Variants in SPPL3 observed in about 807,000 individuals in gnomAD.
SPPL3 encodes the protein signal peptide peptidase like 3, also known as signal peptide peptidase-like 3.
SPPL3 carries 5 observed loss-of-function variants against 42.4 expected under a neutral mutation model. The observed-to-expected ratio is 0.12, with a 90% CI of 0.06 to 0.25. SPPL3 has a LOEUF of 0.25. Ranked by LOEUF, SPPL3 falls within the 10% of genes least tolerant of loss-of-function variation. The pLI is 1.00. For missense variants in SPPL3, 235 were observed against 489.0 expected (o/e 0.48, Z 4.90); for synonymous variants, 195 against 181.8 (o/e 1.07, Z -0.58).
chr12:120,779,688 T>G (rs1390720127), intron 6 of SPPL3, among the ~76,000 whole-genome samples: 1 of 151,754 alleles, frequency 6.6e-6, no homozygotes, highest in Non-Finnish European at 1.5e-5. Flanking sequence ...ATAAAGGAAG[T>G]GAAGGCCAGC....
In SPPL3 at chr12:120,839,388, T is replaced by C. The variant is rs191843561; in HGVS notation, c.24-28502A>G. Among the ~76,000 whole-genome samples the C allele has an allele frequency of 6.8e-3, 989 of 145,226 alleles. 10 individuals carry two copies. The highest frequency in any genetic ancestry group is 0.024 in the African/African-American group (941 of 39,586). ...TGGGGGGAGGGGGGAGGGATAGCAT[T>C]AGGAGATATACCTAATGCTAAATGA... is the stretch of plus-strand genomic sequence containing the variant. On this transcript the variant is annotated intron_variant, in intron 1 of 10. Coordinates refer to ENST00000353487, the MANE Select transcript of SPPL3 (RefSeq NM_139015.5).
chr12:120,864,517 A>G (rs182087530), intron 1 of SPPL3, among the ~76,000 whole-genome samples: 10 of 152,312 alleles, frequency 6.6e-5, no homozygotes, highest in East Asian at 5.8e-4. Flanking sequence ...CCCAGACAAG[A>G]ACGAAACCCC....
At chr12:120,806,855 A>AAG (rs1419392024) in intron 2 of SPPL3, among the ~76,000 whole-genome samples, 1 of 150,290 alleles carries the variant, frequency 6.7e-6, no homozygotes, top group African/African-American at 2.5e-5. Context: ...AAAAAAAAAA[A>AAG]AGAAAGAAAG....
intron 1 of SPPL3, among the ~76,000 whole-genome samples, chr12:120,873,228 G>C (rs1001499628): frequency 6.6e-6 from 1 of 152,074 alleles, no homozygotes; most frequent in Non-Finnish European, 1.5e-5. Context: ...AAGGAAAGAT[G>C]GTTTAACTTG....
chr12:120,865,816 C>G (rs941999612), intron 1 of SPPL3, among the ~76,000 whole-genome samples: 1 of 152,166 alleles, frequency 6.6e-6, no homozygotes, highest in Non-Finnish European at 1.5e-5. Flanking sequence ...GAAACTGGGC[C>G]GTACTGTAGG....
chr12:120,792,950 C>A (rs1244407761), intron 2 of SPPL3, among the ~76,000 whole-genome samples: 1 of 152,074 alleles, frequency 6.6e-6, no homozygotes, highest in Non-Finnish European at 1.5e-5. Flanking sequence ...ACTTAAAAAA[C>A]TTACGTGCCT....
chr12:120,780,658 C>A (rs183462029), intron 6 of SPPL3, among the ~76,000 whole-genome samples: 3 of 148,684 alleles, frequency 2.0e-5, no homozygotes, highest in Non-Finnish European at 4.4e-5. Context: ...GAGGCTGAGG[C>A]GGGTGGATCA....
chr12:120,766,258 C>A lies in SPPL3; in HGVS notation c.1083+5G>T. The A allele has an allele frequency of 6.4e-7, 1 of 1,569,378 alleles. No homozygotes were observed. The highest frequency in any genetic ancestry group is 1.2e-5 in the South Asian group (1 of 85,156). ...CTTTCACAGGTTTATAACTGCTGCTCTCACCTTTAAATAGGCCATCGTGAG... is the reference window on the plus strand; with the variant it reads ...CTTTCACAGGTTTATAACTGCTGCTATCACCTTTAAATAGGCCATCGTGAG... On this transcript the variant is annotated splice_donor_5th_base_variant and intron_variant, in intron 10 of 10. Coordinates refer to ENST00000353487, the MANE Select transcript of SPPL3 (RefSeq NM_139015.5).
At chr12:120,834,195 T>C (rs1292221037) in intron 1 of SPPL3, among the ~76,000 whole-genome samples, 1 of 152,240 alleles carries the variant, frequency 6.6e-6, no homozygotes, top group Admixed American at 6.5e-5. Context: ...CTTCAGTTTA[T>C]AACAGACAAT....
At chr12:120,771,626 C>T (rs903087328) in intron 6 of SPPL3, among the ~76,000 whole-genome samples, 3 of 152,178 alleles carry the variant, frequency 2.0e-5, no homozygotes, top group African/African-American at 7.2e-5. Flanking sequence ...TCAGTGCTCA[C>T]CCTTGTAGTC....
chr12:120,767,798 C>T (rs1419547577), intron 8 of SPPL3, among the ~76,000 whole-genome samples: 2 of 152,174 alleles, frequency 1.3e-5, no homozygotes, highest in East Asian at 1.9e-4. Flanking sequence ...ACCTTGGCCC[C>T]CCTGTTTCAG....
chr12:120,813,906 T>C (rs1870777071), intron 1 of SPPL3, among the ~76,000 whole-genome samples: 1 of 152,216 alleles, frequency 6.6e-6, no homozygotes, highest in Non-Finnish European at 1.5e-5. Flanking sequence ...TATAAAAGTT[T>C]TGCCCTCAGG....
Position 120,862,308 on chromosome 12 carries a change from A to G in SPPL3, c.23+41537T>C, listed in dbSNP as rs139172266. Among the ~76,000 whole-genome samples, 371 of 152,322 alleles carry G rather than the reference A, an allele frequency of 2.4e-3. 1 individual carries two copies. The highest frequency in any genetic ancestry group is 4.5e-3 in the Non-Finnish European group (304 of 68,028). On this transcript the variant is annotated intron_variant, in intron 1 of 10. Coordinates refer to ENST00000353487, the MANE Select transcript of SPPL3 (RefSeq NM_139015.5). ...TTCCATGTCAATAACCAATTTTCCA[A>G]TAATAATTAGATGTTCATCAATTCA...
chr12:120,812,441 G>T (rs1443268607), intron 1 of SPPL3, among the ~76,000 whole-genome samples: 4 of 152,106 alleles, frequency 2.6e-5, no homozygotes, highest in Non-Finnish European at 5.9e-5. Context: ...CAGAGGAACA[G>T]ATTTTAAGCT....
chr12:120,825,001 C>T (rs906202623), intron 1 of SPPL3, among the ~76,000 whole-genome samples: 1 of 151,080 alleles, frequency 6.6e-6, no homozygotes, highest in African/African-American at 2.4e-5. Flanking sequence ...GTAAACATGC[C>T]CCCCACCCCC....
intron 6 of SPPL3, among the ~76,000 whole-genome samples, chr12:120,778,111 A>ATTTT (rs57779322): frequency 0.014 from 1,252 of 90,918 alleles, 100 homozygotes; most frequent in East Asian, 0.027. Context: ...CTGAAAAGCA[A>ATTTT]TTTTTTTTTT....
intron 6 of SPPL3, among the ~76,000 whole-genome samples, chr12:120,774,132 T>C (rs369927766): frequency 2.6e-5 from 4 of 152,308 alleles, no homozygotes; most frequent in African/African-American, 9.6e-5. Context: ...TAAGAAAGTC[T>C]GGGTTCATCT....
intron 1 of SPPL3, among the ~76,000 whole-genome samples, chr12:120,847,974 ATGTC>A (rs1003228951): frequency 6.6e-6 from 1 of 152,096 alleles, no homozygotes; most frequent in Admixed American, 6.6e-5. Flanking sequence ...AAGTGGCTGA[ATGTC>A]TGGTGACAGA....
intron 2 of SPPL3, among the ~76,000 whole-genome samples, chr12:120,808,128 C>G (rs1199155194): frequency 6.9e-6 from 1 of 145,678 alleles, no homozygotes; most frequent in Non-Finnish European, 1.5e-5. Flanking sequence ...GAACCAGGGT[C>G]TCACTCTGAT....
Sources: gnomAD v4.1 joint callset for allele counts (sites outside exome capture counted in the v4.1 genomes callset) on GRCh38, gnomAD v4.1.1 for gene constraint, MANE v1.5 for transcripts, NCBI Gene and HGNC (gene_info 2026-07-23, HGNC 2026-07-21) for gene names.